The following KTN1 variants were observed in gnomAD, a reference collection of about 807,000 sequenced individuals.
KTN1 encodes kinectin 1, also known as kinectin.
In KTN1, 130 loss-of-function variants were observed where a neutral mutation model predicts 222.5. The observed-to-expected ratio is 0.58, with a 90% CI of 0.51 to 0.68. The LOEUF is 0.68. Ranked by LOEUF, KTN1 falls within the 30% of genes least tolerant of loss-of-function variation. KTN1 has a pLI of 0.00. For synonymous variants in KTN1, 512 were observed against 496.3 expected, an observed-to-expected ratio of 1.03 and a Z score of -0.42; for missense variants, 1,508 against 1,500.4, an observed-to-expected ratio of 1.01 and a Z score of -0.08.
At chr14:55,648,949 G>T in intron 21 of KTN1, 79 bp downstream of exon 21, 1 of 997,316 alleles carries the variant, frequency 1.0e-6, no homozygotes, top group African/African-American at 1.6e-5. Flanking sequence ...TAAAAGAAAC[G>T]GGGTCTTGCT....
intron 41 of KTN1, among the ~76,000 whole-genome samples, chr14:55,676,915 G>T (rs1053985958): frequency 6.6e-6 from 1 of 152,076 alleles, no homozygotes; most frequent in South Asian, 2.1e-4. Context: ...ACACTGTTGT[G>T]GTTGAGCAGT....
intron 21 of KTN1, among the ~76,000 whole-genome samples, chr14:55,649,259 A>G (rs1441591380): frequency 1.3e-5 from 2 of 152,190 alleles, no homozygotes; most frequent in Non-Finnish European, 2.9e-5. Context: ...AAACTGTTGC[A>G]TAAAAACAAG....
chr14:55,632,951 T>C (rs1271653191), intron 7 of KTN1, among the ~76,000 whole-genome samples: 1 of 152,226 alleles, frequency 6.6e-6, no homozygotes, highest in Non-Finnish European at 1.5e-5. Context: ...CTAAATCATA[T>C]TTAGTTCTGA....
intron 3 of KTN1, 135 bp downstream of exon 3, chr14:55,616,789 C>G: frequency 1.6e-6 from 1 of 632,882 alleles, no homozygotes; most frequent in Non-Finnish European, 2.6e-6. Flanking sequence ...TAATGCAGGT[C>G]TAAAATTATC....
At chr14:55,644,379 A>G in intron 18 of KTN1, 1 of 702,370 alleles carries the variant, frequency 1.4e-6, no homozygotes, top group South Asian at 1.5e-5. Flanking sequence ...TAAAAGCAGA[A>G]ACCAATAATG....
At position 55,639,167 on chromosome 14, in the gene KTN1, A is replaced by T; in HGVS notation, c.1786-18A>T. ...TTCTCTTAAATACTTTTATGTTGAC[A>T]CTATTTTTCTTTCTTAGACCTCCGC... On this transcript the variant is annotated intron_variant, in intron 12 of 43. Coordinates refer to ENST00000395314, the MANE Select transcript of KTN1 (RefSeq NM_001079521.2). 1 of 1,564,886 alleles carries T rather than the reference A, an allele frequency of 6.4e-7. No homozygotes were observed. Among genetic ancestry groups the T allele is most frequent in the Non-Finnish European group, 8.8e-7 (1 of 1,136,332 alleles).
At chr14:55,637,492 G>A (rs573655293) in intron 11 of KTN1, 128 bp downstream of exon 11, 2 of 760,166 alleles carry the variant, frequency 2.6e-6, no homozygotes, top group East Asian at 2.8e-5. Flanking sequence ...TTATAACTTT[G>A]TCTTTTGAGC....
chr14:55,617,859 G>A, intron 3 of KTN1, 105 bp from the exon 4 acceptor site: 1 of 852,938 alleles, frequency 1.2e-6, no homozygotes. Context: ...TGAGCTACCA[G>A]TAAATGTTTC....
intron 1 of KTN1, among the ~76,000 whole-genome samples, chr14:55,597,748 G>C (rs1229832374): frequency 1.3e-5 from 2 of 152,060 alleles, no homozygotes; most frequent in African/African-American, 4.8e-5. Flanking sequence ...CAGCTACTTG[G>C]GAGGCTGAGG....
At chr14:55,588,991 A>G (rs2033587714) in intron 1 of KTN1, among the ~76,000 whole-genome samples, 1 of 152,108 alleles carries the variant, frequency 6.6e-6, no homozygotes, top group South Asian at 2.1e-4. Flanking sequence ...AAAAATCTGC[A>G]TGAAGTGGAC....
chr14:55,652,785 TA>T, intron 25 of KTN1, 64 bp from the exon 26 acceptor site: 1 of 1,108,040 alleles, frequency 9.0e-7, no homozygotes, highest in Non-Finnish European at 1.3e-6. Flanking sequence ...TTTCAGTGTC[TA>T]AGATTTTTGC....
At chr14:55,581,232 T>C (rs1421829935) in intron 1 of KTN1, among the ~76,000 whole-genome samples, 1 of 152,110 alleles carries the variant, frequency 6.6e-6, no homozygotes, top group Non-Finnish European at 1.5e-5. Flanking sequence ...GCACTAGATG[T>C]GGGCAGCCCC....
intron 1 of KTN1, among the ~76,000 whole-genome samples, chr14:55,610,749 A>C (rs1290463153): frequency 5.9e-5 from 9 of 152,356 alleles, no homozygotes; most frequent in East Asian, 1.9e-4. Context: ...TGGCTTATGC[A>C]TGTTTGTAAG....
intron 12 of KTN1, 103 bp downstream of exon 12, chr14:55,637,950 C>A: frequency 1.3e-6 from 1 of 782,336 alleles, no homozygotes; most frequent in Admixed American, 2.2e-5. Flanking sequence ...AGCTGGGAGA[C>A]TAGTCAATGA....
chr14:55,612,370 T>C lies in KTN1; in HGVS notation c.322T>C (p.Ser108Pro), dbSNP rs1243355213. ...APVPLNVVET[S>P]SSVRERKKKE... ...TGTTCCATTGAATGTCGTTGAAACT[T>C]CAAGTAGTGTTAGGGAAAGAAAAAA... The change falls in exon 2 of 44, where the codon TCA (serine) becomes CCA (proline). Residue 108 changes from serine to proline, a missense_variant. Transcript: ENST00000395314. The C allele has an allele frequency of 9.9e-6, 16 of 1,613,900 alleles. No homozygotes were observed. Among genetic ancestry groups the C allele is most frequent in the Non-Finnish European group, 6.8e-6 (8 of 1,179,982 alleles).
intron 14 of KTN1, 77 bp downstream of exon 14, chr14:55,640,080 AGT>A: frequency 2.3e-6 from 2 of 866,084 alleles, no homozygotes; most frequent in Non-Finnish European, 3.8e-6. Flanking sequence ...ATAATCAGTA[AGT>A]GTATATGAAA....
intron 1 of KTN1, among the ~76,000 whole-genome samples, chr14:55,584,270 G>A (rs565010619): frequency 1.2e-3 from 181 of 152,238 alleles, no homozygotes; most frequent in African/African-American, 4.0e-3. Flanking sequence ...GGCTCCAATG[G>A]TTTTCCTAAG....
At chr14:55,593,094 C>T (rs962430437) in intron 1 of KTN1, among the ~76,000 whole-genome samples, 3 of 151,774 alleles carry the variant, frequency 2.0e-5, no homozygotes, top group African/African-American at 7.3e-5. Flanking sequence ...GTCTATATGC[C>T]AGTATCTATA....
chr14:55,673,197 AG>A lies in KTN1; in HGVS notation c.3714del (p.Lys1240AsnfsTer10). The part of the protein sequence containing the change: ...RELKDLLTEL[Q>X]KKLDDSYSEA... ...CTGAAAGATCTGTTGACTGAATTGC[AG>A]AAAAAACTTGATGATTCATATTCTG... is the stretch of plus-strand genomic sequence containing the variant. On this transcript the variant is annotated frameshift_variant, in exon 40 of 44. Coordinates refer to ENST00000395314, the MANE Select transcript of KTN1 (RefSeq NM_001079521.2). LOFTEE classifies it high-confidence loss of function. 6.2e-7 allele frequency: 1 copy of A among 1,613,152 alleles called. No homozygotes were observed. The highest frequency in any genetic ancestry group is 8.5e-7 in the Non-Finnish European group (1 of 1,179,380).
Sources: allele counts gnomAD v4.1 joint callset (sites outside exome capture counted in the v4.1 genomes callset), GRCh38; gene constraint gnomAD v4.1.1; transcripts MANE v1.5; gene names NCBI Gene and HGNC (gene_info 2026-07-23, HGNC 2026-07-21).